Variants in NOL4 observed in about 807,000 individuals in gnomAD.
NOL4 encodes cancer/testis antigen 125.
Under a neutral mutation model 75.9 loss-of-function variants are expected in NOL4, and 17 were observed. That is an observed-to-expected ratio of 0.22 (90% CI 0.15 to 0.34). NOL4 has a LOEUF of 0.34. Ranked by LOEUF, NOL4 falls within the 10% of genes least tolerant of loss-of-function variation. The probability of loss-of-function intolerance (pLI) is 1.00; values close to 1 mark genes in which losing one functional copy is unlikely to be tolerated. For synonymous variants in NOL4, 292 were observed against 289.9 expected (o/e 1.01, Z -0.07); for missense variants, 614 against 793.5 (o/e 0.77, Z 2.72).
intron 1 of NOL4, among the ~76,000 whole-genome samples, chr18:34,218,780 T>C (rs762102499): frequency 4.6e-5 from 7 of 152,230 alleles, no homozygotes; most frequent in Non-Finnish European, 1.0e-4. Flanking sequence ...GTGACCACTA[T>C]GATGATTTGT....
intron 10 of NOL4, among the ~76,000 whole-genome samples, chr18:33,870,064 G>C (rs1202871991): frequency 6.6e-6 from 1 of 152,018 alleles, no homozygotes; most frequent in African/African-American, 2.4e-5. Flanking sequence ...GGCATAAATT[G>C]TATGTATTTA....
chr18:34,104,999 C>A, intron 3 of NOL4, 50 bp downstream of exon 3: 1 of 1,101,962 alleles, frequency 9.1e-7, no homozygotes, highest in Admixed American at 1.8e-5. Flanking sequence ...ATACAAATGG[C>A]CATTATGAAT....
At chr18:33,931,978 T>C (rs1045064912) in intron 9 of NOL4, among the ~76,000 whole-genome samples, 6 of 152,034 alleles carry the variant, frequency 3.9e-5, no homozygotes, top group Admixed American at 1.3e-4. Flanking sequence ...ACCAGCAGTT[T>C]CTTACCATCT....
At chr18:34,018,561 A>G (rs1398607441) in intron 6 of NOL4, among the ~76,000 whole-genome samples, 1 of 152,166 alleles carries the variant, frequency 6.6e-6, no homozygotes, top group Non-Finnish European at 1.5e-5. Context: ...CAAAAGGTAT[A>G]TTCCATAAAA....
intron 2 of NOL4, among the ~76,000 whole-genome samples, chr18:34,114,758 G>A (rs755351993): frequency 6.6e-5 from 10 of 152,076 alleles, no homozygotes; most frequent in Non-Finnish European, 1.3e-4. Context: ...AAAGTAAAAT[G>A]CTGGAAGTCA....
intron 6 of NOL4, among the ~76,000 whole-genome samples, chr18:33,980,923 T>C (rs939548221): frequency 7.2e-5 from 11 of 152,192 alleles, no homozygotes; most frequent in Non-Finnish European, 8.8e-5. Context: ...TCATGATTAA[T>C]ATTCTGGGGA....
intron 5 of NOL4, among the ~76,000 whole-genome samples, chr18:34,076,196 C>A (rs1327541464): frequency 6.6e-6 from 1 of 152,128 alleles, no homozygotes; most frequent in African/African-American, 2.4e-5. Context: ...TTCCCTCTCC[C>A]CTACGCAAAT....
At chr18:33,902,109 T>C (rs2065780462) in intron 9 of NOL4, among the ~76,000 whole-genome samples, 2 of 151,910 alleles carry the variant, frequency 1.3e-5, no homozygotes, top group Non-Finnish European at 2.9e-5. Flanking sequence ...TGTAATAAGG[T>C]TTGTGAAAGA....
intron 1 of NOL4, among the ~76,000 whole-genome samples, chr18:34,160,058 T>C (rs1167215373): frequency 6.6e-6 from 1 of 152,180 alleles, no homozygotes; most frequent in East Asian, 1.9e-4. Context: ...CCTGTTTTTA[T>C]TTACTGGAGC....
intron 4 of NOL4, among the ~76,000 whole-genome samples, chr18:34,096,645 GA>G (rs1388167116): frequency 6.6e-6 from 1 of 151,858 alleles, no homozygotes; most frequent in Non-Finnish European, 1.5e-5. Context: ...TTGACAACCA[GA>G]AAAAAACTCT....
At chr18:34,084,830 A>C (rs186684290) in intron 5 of NOL4, among the ~76,000 whole-genome samples, 2 of 152,320 alleles carry the variant, frequency 1.3e-5, no homozygotes, top group Non-Finnish European at 2.9e-5. Flanking sequence ...TAGTTGATTT[A>C]TCTGTCTGCA....
chr18:34,137,779 T>TACACACACACAC (rs1156472289), intron 1 of NOL4, among the ~76,000 whole-genome samples: 43 of 147,144 alleles, frequency 2.9e-4, no homozygotes, highest in African/African-American at 3.0e-4. Flanking sequence ...ATATACGAAA[T>TACACACACACAC]ACACACACAC....
intron 2 of NOL4, among the ~76,000 whole-genome samples, chr18:34,107,084 C>T (rs891413456): frequency 3.9e-5 from 6 of 152,092 alleles, no homozygotes; most frequent in African/African-American, 7.2e-5. Context: ...TTGGCTTCCA[C>T]GGTCCTGATA....
intron 2 of NOL4, among the ~76,000 whole-genome samples, chr18:34,105,395 T>C (rs941675873): frequency 3.9e-5 from 6 of 152,042 alleles, no homozygotes; most frequent in Admixed American, 1.3e-4. Flanking sequence ...CACATCTCGA[T>C]GGGCATCTGT....
chr18:34,013,924 C>A (rs2074532706), intron 6 of NOL4, among the ~76,000 whole-genome samples: 1 of 151,770 alleles, frequency 6.6e-6, no homozygotes, highest in South Asian at 2.1e-4. Flanking sequence ...CTACCCTAAA[C>A]AACACCTGGG....
At chr18:34,123,889 C>G (rs1322009109) in intron 2 of NOL4, among the ~76,000 whole-genome samples, 3 of 151,554 alleles carry the variant, frequency 2.0e-5, no homozygotes, top group African/African-American at 7.3e-5. Context: ...CTGATAAACT[C>G]TCTAAGGTAA....
At chr18:34,067,806 A>AT (rs912272400) in intron 5 of NOL4, among the ~76,000 whole-genome samples, 22 of 150,054 alleles carry the variant, frequency 1.5e-4, no homozygotes, top group African/African-American at 4.9e-4. Context: ...GGATGTGTTT[A>AT]TTTTTTTTAA....
At chr18:34,080,679 C>T (rs768780417) in intron 5 of NOL4, among the ~76,000 whole-genome samples, 7 of 152,266 alleles carry the variant, frequency 4.6e-5, no homozygotes, top group Admixed American at 1.3e-4. Flanking sequence ...CTACACTGCC[C>T]AGGCTGGCCA....
At chr18:34,055,690 G>T (rs566012416) in intron 5 of NOL4, among the ~76,000 whole-genome samples, 1 of 152,064 alleles carries the variant, frequency 6.6e-6, no homozygotes, top group African/African-American at 2.4e-5. Context: ...AATAAACTCT[G>T]CCCCTTTATC....
Sources: allele counts gnomAD v4.1 joint callset (sites outside exome capture counted in the v4.1 genomes callset), GRCh38; gene constraint gnomAD v4.1.1; transcripts MANE v1.5; gene names NCBI Gene and HGNC (gene_info 2026-07-23, HGNC 2026-07-21).